CAP1: variants seen among roughly 807,000 people sequenced by gnomAD.
CAP1 encodes the protein adenylyl cyclase-associated protein 1.
Under a neutral mutation model 58.2 loss-of-function variants are expected in CAP1, and 11 were observed. The observed-to-expected ratio is 0.19, with a 90% CI of 0.12 to 0.31. CAP1 has a LOEUF of 0.31. CAP1 is among the 10% of genes least tolerant of loss of function. The pLI is 1.00. For synonymous variants in CAP1, 183 were observed against 213.8 expected, an observed-to-expected ratio of 0.86 and a Z score of 1.26; for missense variants, 423 against 587.5, an observed-to-expected ratio of 0.72 and a Z score of 2.89.
At chr1:40,040,283 C>T (rs1322996566), upstream of CAP1, 1 of 151,990 alleles carries the variant, frequency 6.6e-6, no homozygotes, top group African/African-American at 2.4e-5. Flanking sequence ...CCCGGATTCC[C>T]GCCCTCAGAG....
Position 40,071,477 on chromosome 1 carries a change from A to G in CAP1, c.1372A>G (p.Lys458Glu). ...FNEFPVPEQFKTLWNGQKLVT... is the reference protein window; with the variant it reads ...FNEFPVPEQFETLWNGQKLVT... ...TGAATTCCCAGTTCCTGAGCAGTTC[A>G]AGACCCTATGGAACGGGCAGAAGTT... is the stretch of plus-strand genomic sequence containing the variant. The change falls in exon 13 of 13, where the codon AAG (lysine) becomes GAG (glutamate). Residue 458 changes from lysine (K) to glutamate (E), a missense_variant. By Grantham distance (56) the Lys-to-Glu change is moderately conservative (BLOSUM62 1). Coordinates refer to ENST00000372805, the MANE Select transcript of CAP1 (RefSeq NM_006367.4). 6.2e-7 allele frequency: 1 copy of G among 1,613,702 alleles called. No individual in the cohort carries two copies. Among genetic ancestry groups the G allele is most frequent in the Non-Finnish European group, 8.5e-7 (1 of 1,179,606 alleles).
chr1:40,048,285 T>C (rs1202152712), intron 1 of CAP1, among the ~76,000 whole-genome samples: 1 of 152,098 alleles, frequency 6.6e-6, no homozygotes, highest in African/African-American at 2.4e-5. Context: ...TCAGGTGATC[T>C]GCCCTTCTCA....
Position 40,071,726 on chromosome 1 carries a change from T to A in CAP1, c.*193T>A, listed in dbSNP as rs1648076054. 1 of 572,348 alleles carries A rather than the reference T, an allele frequency of 1.7e-6. No individual in the cohort carries two copies. Among genetic ancestry groups the A allele is most frequent in the South Asian group, 2.2e-5 (1 of 45,138 alleles). 35.5% of individuals were successfully genotyped at this position (572,348 alleles called of 1,614,324 possible). Reference sequence around the variant, plus strand: ...GGGTGGGATAGCAGGTCAGTTGATCTTCTGCAGGAAGGTGCAGCTTTTCCA... The same window carrying A: ...GGGTGGGATAGCAGGTCAGTTGATCATCTGCAGGAAGGTGCAGCTTTTCCA... On this transcript the variant is annotated 3_prime_UTR_variant, in exon 13 of 13. Transcript: ENST00000372805.
chr1:40,061,213 A>G (rs890405259), intron 3 of CAP1, among the ~76,000 whole-genome samples: 1 of 151,220 alleles, frequency 6.6e-6, no homozygotes, highest in African/African-American at 2.4e-5. Flanking sequence ...CACTGCACTC[A>G]TACTTTTGTT....
chr1:40,055,912 G>C (rs1183865393), intron 1 of CAP1, among the ~76,000 whole-genome samples: 1 of 152,122 alleles, frequency 6.6e-6, no homozygotes, highest in Non-Finnish European at 1.5e-5. Context: ...ATGTTGTGGG[G>C]GAGTTTATGG....
chr1:40,067,170 G>A (rs1647123770), intron 7 of CAP1: 1 of 200,096 alleles, frequency 5.0e-6, no homozygotes, highest in African/African-American at 2.3e-5. Flanking sequence ...ACTGAAATAG[G>A]GACAAGGGGA....
intron 7 of CAP1, among the ~76,000 whole-genome samples, chr1:40,066,694 GA>G (rs1021245093): frequency 6.6e-6 from 1 of 152,196 alleles, no homozygotes; most frequent in Non-Finnish European, 1.5e-5. Flanking sequence ...AGAGTATGAG[GA>G]AGAGAAGAGT....
intron 1 of CAP1, among the ~76,000 whole-genome samples, chr1:40,046,979 G>T (rs1421669564): frequency 6.6e-6 from 1 of 152,022 alleles, no homozygotes; most frequent in African/African-American, 2.4e-5. Context: ...AACTATATTG[G>T]CCAGGCTGGT....
chr1:40,053,530 A>G (rs981977656), intron 1 of CAP1, among the ~76,000 whole-genome samples: 1 of 151,900 alleles, frequency 6.6e-6, no homozygotes, highest in Non-Finnish European at 1.5e-5. Context: ...GGCTCACTGC[A>G]ATCTCCGCCT....
Position 40,068,443 on chromosome 1 carries a change from T to C in CAP1, c.808+726T>C, listed in dbSNP as rs527925315. On this transcript the variant is annotated intron_variant, in intron 8 of 12. Transcript: ENST00000372805. ...GCGTCACCATGCCTGGCTAATTTTT[T>C]TTTTTTGTATTTTTAGTAGAGATGG... is the stretch of plus-strand genomic sequence containing the variant. Among the ~76,000 whole-genome samples the C allele has an allele frequency of 1.8e-3, 274 of 151,832 alleles. 2 individuals are homozygous for C. The highest frequency in any genetic ancestry group is 6.8e-3 in the Middle Eastern group (2 of 294).
At chr1:40,052,229 A>C (rs769729945) in intron 1 of CAP1, among the ~76,000 whole-genome samples, 1 of 152,218 alleles carries the variant, frequency 6.6e-6, no homozygotes, top group Non-Finnish European at 1.5e-5. Flanking sequence ...ACTCGTATCT[A>C]TGAAATCACC....
At chr1:40,050,719 G>C (rs958411947) in intron 1 of CAP1, among the ~76,000 whole-genome samples, 1 of 152,014 alleles carries the variant, frequency 6.6e-6, no homozygotes, top group African/African-American at 2.4e-5. Context: ...TATTTTAGAT[G>C]AATAACAGCT....
At chr1:40,067,485 A>G (rs1195738493) in intron 7 of CAP1, 55 bp from the exon 8 acceptor site, 5 of 1,460,424 alleles carry the variant, frequency 3.4e-6, no homozygotes, top group Non-Finnish European at 4.6e-6. Flanking sequence ...ACTACTGGGA[A>G]TGGTACAGAG....
In CAP1 at chr1:40,059,336, GGTGGTC is replaced by G; in HGVS notation, c.-10_-5del. The G allele has an allele frequency of 6.6e-7, 1 of 1,513,268 alleles. No individual in the cohort carries two copies. Among genetic ancestry groups the G allele is most frequent in the Non-Finnish European group, 9.2e-7 (1 of 1,088,058 alleles). 93.7% of individuals were successfully genotyped at this position (1,513,268 alleles called of 1,614,324 possible). ...AAATGACATTTGATCTGTTTCAGCAGGTGGTCCATTATGGCTGACATGCAAAATCTG... is the reference window on the plus strand; with the variant it reads ...AAATGACATTTGATCTGTTTCAGCAGCATTATGGCTGACATGCAAAATCTG... On this transcript the variant is annotated splice_region_variant and 5_prime_UTR_variant, in exon 2 of 13. Transcript: ENST00000372805.
chr1:40,049,760 A>G (rs1315008074), intron 1 of CAP1, among the ~76,000 whole-genome samples: 1 of 152,092 alleles, frequency 6.6e-6, no homozygotes, highest in African/African-American at 2.4e-5. Context: ...AACTGACCTC[A>G]TCTTGTTGCC....
intron 1 of CAP1, among the ~76,000 whole-genome samples, chr1:40,056,283 G>A (rs1646611274): frequency 6.8e-6 from 1 of 147,282 alleles, no homozygotes; most frequent in Non-Finnish European, 1.5e-5. Flanking sequence ...AGGTAGCGAT[G>A]TCTAGGTGAA....
In CAP1 at chr1:40,069,810, C is replaced by T. The variant is rs372682081; in HGVS notation, c.929C>T (p.Ser310Phe). 15 of 1,602,994 alleles carry T rather than the reference C, an allele frequency of 9.4e-6. No homozygotes were observed. The African/African-American group carries it at 1.5e-4, about 16-fold the overall frequency. ...FSAPKPQTSP[S>F]PKRATKKEPA... ...GCACCTAAACCCCAAACCAGCCCATCCCCCAAACGAGCCACAAAGAAGGAG... is the reference window on the plus strand; with the variant it reads ...GCACCTAAACCCCAAACCAGCCCATTCCCCAAACGAGCCACAAAGAAGGAG... The change falls in exon 9 of 13, where the codon TCC becomes TTC. Residue 310 changes from serine to phenylalanine, a missense_variant. Ser to Phe is a radical substitution (Grantham distance 155, BLOSUM62 -2). Coordinates refer to ENST00000372805, the MANE Select transcript of CAP1 (RefSeq NM_006367.4).
chr1:40,051,849 G>A (rs1030058632), intron 1 of CAP1, among the ~76,000 whole-genome samples: 3 of 152,000 alleles, frequency 2.0e-5, no homozygotes, highest in Non-Finnish European at 4.4e-5. Flanking sequence ...GATTACAGGC[G>A]TGAGCCACCG....
Position 40,069,753 on chromosome 1 carries a change from G to A in CAP1, c.872G>A (p.Gly291Asp), listed in dbSNP as rs1453277243. 6 of 1,613,842 alleles carry A rather than the reference G, an allele frequency of 3.7e-6. No individual in the cohort carries two copies. The highest frequency in any genetic ancestry group is 3.3e-5 in the Admixed American group (2 of 59,958). ...HKNPALKAQS[G>D]PVRSGPKPFS... ...AACCCTGCCCTGAAGGCTCAGAGTGGTCCAGTACGCAGTGGCCCCAAACCA... is the reference window on the plus strand; with the variant it reads ...AACCCTGCCCTGAAGGCTCAGAGTGATCCAGTACGCAGTGGCCCCAAACCA... Residue 291 changes from glycine (G) to aspartate (D), a missense_variant, in exon 9 of 13, where the codon GGT (glycine) becomes GAT (aspartate). Gly to Asp is a moderately conservative substitution (Grantham distance 94). Transcript: ENST00000372805.
Sources: allele counts gnomAD v4.1 joint callset (sites outside exome capture counted in the v4.1 genomes callset), GRCh38; gene constraint gnomAD v4.1.1; transcripts MANE v1.5; gene names NCBI Gene and HGNC (gene_info 2026-07-23, HGNC 2026-07-21).